The following FHIT variants were observed in gnomAD, a reference collection of about 807,000 sequenced individuals.
The protein encoded by FHIT is fragile histidine triad diadenosine triphosphatase.
A neutral mutation model predicts 17.9 loss-of-function variants in FHIT; 19 were observed. That is an observed-to-expected ratio of 1.06 (90% CI 0.74 to 1.56). The LOEUF (loss-of-function observed/expected upper bound fraction) is 1.56, where lower values mean the gene tolerates loss of function less well. FHIT is among the 40% of genes most tolerant of loss of function. The pLI is 0.00. For synonymous variants in FHIT, 81 were observed against 69.7 expected (o/e 1.16, Z -0.81); for missense variants, 248 against 189.2 (o/e 1.31, Z -1.82).
chr3:60,935,444 G>A (rs1222317116), intron 3 of FHIT, among the ~76,000 whole-genome samples: 2 of 152,196 alleles, frequency 1.3e-5, no homozygotes, highest in Admixed American at 1.3e-4. Context: ...CAAATAAGAG[G>A]TAAATGAGAT....
intron 1 of FHIT, among the ~76,000 whole-genome samples, chr3:61,246,085 C>T (rs1267263979): frequency 2.0e-5 from 3 of 152,266 alleles, no homozygotes; most frequent in South Asian, 2.1e-4. Flanking sequence ...CTCCCTCCAG[C>T]GCCATGACAG....
Position 61,045,265 on chromosome 3 carries a change from T to A in FHIT, c.-163-3166A>T, listed in dbSNP as rs147697694. Among the ~76,000 whole-genome samples the A allele has an allele frequency of 2.2e-3, 337 of 151,804 alleles. 1 individual carries two copies. The highest frequency in any genetic ancestry group is 7.9e-3 in the African/African-American group (327 of 41,356). ...CTAACATGCAGAGACACACACAGGC[T>A]CAAAATAAAGGGATGGAGGAAGATC... On this transcript the variant is annotated intron_variant, in intron 2 of 9. Transcript: ENST00000492590.
At chr3:60,635,876 T>A (rs1321586146) in intron 4 of FHIT, among the ~76,000 whole-genome samples, 18 of 152,162 alleles carry the variant, frequency 1.2e-4, no homozygotes, top group Non-Finnish European at 2.4e-4. Context: ...TATAGTCTCT[T>A]GCATTTTTAA....
chr3:60,074,092 T>G (rs1576035828), intron 5 of FHIT, among the ~76,000 whole-genome samples: 1 of 152,082 alleles, frequency 6.6e-6, no homozygotes, highest in South Asian at 2.1e-4. Flanking sequence ...GTCTTAGTTT[T>G]TTGCTGGGTC....
intron 5 of FHIT, among the ~76,000 whole-genome samples, chr3:60,207,263 T>C (rs1165680468): frequency 1.3e-5 from 2 of 152,148 alleles, no homozygotes; most frequent in Non-Finnish European, 2.9e-5. Flanking sequence ...TATTTACTTT[T>C]AGTTAAGAAA....
At chr3:60,326,487 GA>G (rs1709700806) in intron 5 of FHIT, among the ~76,000 whole-genome samples, 1 of 147,540 alleles carries the variant, frequency 6.8e-6, no homozygotes, top group Admixed American at 6.8e-5. Context: ...GCAGTAATGG[GA>G]GTGATGGGGG....
chr3:59,891,113 C>T (rs1331225138), intron 8 of FHIT, among the ~76,000 whole-genome samples: 1 of 152,158 alleles, frequency 6.6e-6, no homozygotes, highest in Non-Finnish European at 1.5e-5. Context: ...TGTTCCAGCC[C>T]CTCCAAGGAC....
At chr3:60,090,795 A>G (rs1703699341) in intron 5 of FHIT, among the ~76,000 whole-genome samples, 1 of 152,188 alleles carries the variant, frequency 6.6e-6, no homozygotes, top group African/African-American at 2.4e-5. Context: ...CTAAGGAGAC[A>G]AGTGTTACTA....
chr3:60,588,251 C>T (rs2037969167), intron 4 of FHIT, among the ~76,000 whole-genome samples: 1 of 151,998 alleles, frequency 6.6e-6, no homozygotes. Context: ...ATTTTCTTTT[C>T]TCCCTATATC....
At chr3:59,944,527 T>G (rs1340470347) in intron 7 of FHIT, among the ~76,000 whole-genome samples, 1 of 152,162 alleles carries the variant, frequency 6.6e-6, no homozygotes, top group Admixed American at 6.6e-5. Flanking sequence ...TTTTTTTTAT[T>G]TAAACTTTTA....
At chr3:60,570,515 G>T (rs1309144370) in intron 4 of FHIT, among the ~76,000 whole-genome samples, 1 of 151,894 alleles carries the variant, frequency 6.6e-6, no homozygotes, top group Non-Finnish European at 1.5e-5. Flanking sequence ...CAAGCTTCTT[G>T]GCCTTCTAAA....
At chr3:60,469,735 GT>G (rs1227649624) in intron 5 of FHIT, among the ~76,000 whole-genome samples, 1 of 152,126 alleles carries the variant, frequency 6.6e-6, no homozygotes. Context: ...GTTTTGAAGA[GT>G]TAGGTATTCA....
At position 60,429,068 on chromosome 3, in the gene FHIT, T is replaced by C. The variant is rs1482791616; in HGVS notation, c.103+107792A>G. On this transcript the variant is annotated intron_variant, in intron 5 of 9. Coordinates refer to ENST00000492590, the MANE Select transcript of FHIT (RefSeq NM_002012.4). ...CACCTTACCAAAGAGAGGACAGCAC[T>C]GAGACCTAGTTATCTCTTAGGAAAC... is the stretch of plus-strand genomic sequence containing the variant. Among the ~76,000 whole-genome samples, 5 of 152,050 alleles carry C rather than the reference T, an allele frequency of 3.3e-5. No homozygotes were observed. In the East Asian group the frequency reaches 9.7e-4, roughly 30 times the overall value.
chr3:61,154,082 T>TA (rs1419293462), intron 2 of FHIT, among the ~76,000 whole-genome samples: 1 of 152,118 alleles, frequency 6.6e-6, no homozygotes, highest in Non-Finnish European at 1.5e-5. Flanking sequence ...CCCATTGTCT[T>TA]AAAAAACCCC....
chr3:59,967,731 G>C (rs1284442820), intron 7 of FHIT, among the ~76,000 whole-genome samples: 3 of 152,064 alleles, frequency 2.0e-5, no homozygotes, highest in Admixed American at 6.6e-5. Context: ...TAGATCCAAA[G>C]AATGCTACAA....
intron 5 of FHIT, among the ~76,000 whole-genome samples, chr3:60,123,238 T>C (rs1393244286): frequency 3.3e-5 from 5 of 152,216 alleles, no homozygotes; most frequent in Admixed American, 2.6e-4. Context: ...TGATGAGAAG[T>C]AGTACAAATG....
intron 5 of FHIT, among the ~76,000 whole-genome samples, chr3:60,437,345 T>C (rs1323951806): frequency 6.6e-6 from 1 of 152,076 alleles, no homozygotes; most frequent in Admixed American, 6.6e-5. Flanking sequence ...AAACCATAAA[T>C]AAATACTCCA....
At chr3:59,901,991 C>G (rs967240122) in intron 8 of FHIT, among the ~76,000 whole-genome samples, 1 of 152,056 alleles carries the variant, frequency 6.6e-6, no homozygotes, top group Non-Finnish European at 1.5e-5. Context: ...AGAAAACAAG[C>G]AACATAGTGA....
In FHIT at chr3:60,255,861, CAAAAACAAAA is replaced by C. The variant is rs547158923; in HGVS notation, c.104-241719_104-241710del. ...CAGAGCGAGACTCCATCTCAAAAAA[CAAAAACAAAA>C]AAAAACAAACAACAAACTGGTGTTC... is the stretch of plus-strand genomic sequence containing the variant. On this transcript the variant is annotated intron_variant, in intron 5 of 9. Coordinates refer to ENST00000492590, the MANE Select transcript of FHIT (RefSeq NM_002012.4). Among the ~76,000 whole-genome samples, 302 of 151,420 alleles carry C rather than the reference CAAAAACAAAA, an allele frequency of 2.0e-3. 1 individual carries two copies. The highest frequency in any genetic ancestry group is 6.9e-3 in the African/African-American group (285 of 41,294).
Sources: gnomAD v4.1 joint callset for allele counts (sites outside exome capture counted in the v4.1 genomes callset) on GRCh38, gnomAD v4.1.1 for gene constraint, MANE v1.5 for transcripts, NCBI Gene and HGNC (gene_info 2026-07-23, HGNC 2026-07-21) for gene names.